The following CALN1 variants were observed in gnomAD, a reference collection of about 807,000 sequenced individuals.
The protein encoded by CALN1 is calcium-binding protein 8.
A neutral mutation model predicts 30.6 loss-of-function variants in CALN1; 17 were observed. The ratio of observed to expected loss-of-function variants is 0.56; its 90% CI spans 0.38 to 0.83. The LOEUF (loss-of-function observed/expected upper bound fraction) is 0.83. CALN1 is among the 40% of genes least tolerant of loss of function. The pLI is 0.00. For synonymous variants in CALN1, 156 were observed against 131.4 expected (o/e 1.19, Z -1.28); for missense variants, 291 against 354.9 (o/e 0.82, Z 1.45).
intron 2 of CALN1, among the ~76,000 whole-genome samples, chr7:72,402,609 G>A (rs1806418159): frequency 6.6e-6 from 1 of 152,190 alleles, no homozygotes; most frequent in South Asian, 2.1e-4. Flanking sequence ...AGTTTGTATA[G>A]CCATGAGGGT....
intron 5 of CALN1, among the ~76,000 whole-genome samples, chr7:71,863,894 T>G (rs969838398): frequency 2.0e-5 from 3 of 152,194 alleles, no homozygotes; most frequent in African/African-American, 7.2e-5. Context: ...CATAGCTAAC[T>G]GTGAATTCTC....
At chr7:71,794,092 T>C (rs537809546) in intron 6 of CALN1, among the ~76,000 whole-genome samples, 45 of 152,072 alleles carry the variant, frequency 3.0e-4, no homozygotes, top group Admixed American at 2.8e-3. Context: ...GCAGATACCA[T>C]GTGTGATGGG....
At chr7:72,416,692 G>C (rs565903638), upstream of CALN1, among the ~76,000 whole-genome samples, 5 of 135,714 alleles carry the variant, frequency 3.7e-5, no homozygotes, top group Admixed American at 4.3e-4. Context: ...CCGAGATCGC[G>C]TCACTGCACT....
chr7:72,175,314 C>T (rs1211331403), intron 3 of CALN1, among the ~76,000 whole-genome samples: 1 of 152,140 alleles, frequency 6.6e-6, no homozygotes, highest in Non-Finnish European at 1.5e-5. Flanking sequence ...ACCTCATGAT[C>T]TGCCCGCCTC....
intron 3 of CALN1, among the ~76,000 whole-genome samples, chr7:72,152,966 G>A (rs987206101): frequency 6.6e-6 from 1 of 152,204 alleles, no homozygotes; most frequent in Admixed American, 6.5e-5. Context: ...TGTTTTGTCA[G>A]TATCTGAGCT....
At chr7:72,386,022 T>C (rs972672380) in intron 2 of CALN1, among the ~76,000 whole-genome samples, 1 of 152,212 alleles carries the variant, frequency 6.6e-6, no homozygotes, top group Non-Finnish European at 1.5e-5. Flanking sequence ...AGAAGCCAGT[T>C]TGAAAAGGCT....
intron 5 of CALN1, among the ~76,000 whole-genome samples, chr7:71,940,402 G>T (rs751176627): frequency 3.3e-5 from 5 of 152,112 alleles, no homozygotes; most frequent in Non-Finnish European, 5.9e-5. Context: ...CAATGCCACT[G>T]CTTTCTCTTC....
At chr7:72,413,374 C>G (rs573012080), upstream of CALN1, among the ~76,000 whole-genome samples, 45 of 152,002 alleles carry the variant, frequency 3.0e-4, 1 homozygote, top group Middle Eastern at 0.014. Flanking sequence ...CACACACACC[C>G]ACGAACATAC....
chr7:71,905,424 A>T (rs1794082438), intron 5 of CALN1, among the ~76,000 whole-genome samples: 1 of 151,444 alleles, frequency 6.6e-6, no homozygotes, highest in African/African-American at 2.4e-5. Context: ...TACCCTCTAA[A>T]GTCTCTAAAG....
intron 5 of CALN1, among the ~76,000 whole-genome samples, chr7:71,982,561 T>C (rs903249993): frequency 2.0e-5 from 3 of 152,082 alleles, no homozygotes; most frequent in African/African-American, 7.2e-5. Flanking sequence ...GCCATTGCAC[T>C]CCAGCCTGGG....
chr7:72,337,984 G>GC (rs1802180089), intron 2 of CALN1, among the ~76,000 whole-genome samples: 1 of 152,186 alleles, frequency 6.6e-6, no homozygotes, highest in Admixed American at 6.5e-5. Flanking sequence ...CAAGGGCAAC[G>GC]CATGTGCTTG....
chr7:72,173,980 T>C (rs1789160035), intron 3 of CALN1, among the ~76,000 whole-genome samples: 1 of 151,892 alleles, frequency 6.6e-6, no homozygotes, highest in African/African-American at 2.4e-5. Context: ...AAGGCCACTG[T>C]TGAGAAAATA....
intron 5 of CALN1, among the ~76,000 whole-genome samples, chr7:71,929,964 A>T (rs1257566161): frequency 6.6e-6 from 1 of 152,220 alleles, no homozygotes; most frequent in East Asian, 1.9e-4. Context: ...CGGCTGCTCA[A>T]GCATCTTATA....
At chr7:72,266,244 A>G (rs551178811) in intron 3 of CALN1, among the ~76,000 whole-genome samples, 5 of 152,330 alleles carry the variant, frequency 3.3e-5, no homozygotes, top group African/African-American at 1.2e-4. Flanking sequence ...ATAGCTTACT[A>G]TTACTAGAAG....
chr7:71,788,875 A>G (rs1031209356), intron 6 of CALN1, among the ~76,000 whole-genome samples: 32 of 152,002 alleles, frequency 2.1e-4, no homozygotes, highest in Non-Finnish European at 3.5e-4. Flanking sequence ...AGCCAGGATG[A>G]TCTCGATCTC....
chr7:72,343,281 G>T (rs2129558881), intron 2 of CALN1, among the ~76,000 whole-genome samples: 1 of 152,268 alleles, frequency 6.6e-6, no homozygotes, highest in South Asian at 2.1e-4. Flanking sequence ...TGGTCAGCTG[G>T]GTGCGGTGGC....
At chr7:72,441,911 GC>G (rs1562970303) in intron 1 of CALN1, among the ~76,000 whole-genome samples, 2 of 151,894 alleles carry the variant, frequency 1.3e-5, no homozygotes, top group Non-Finnish European at 2.9e-5. Flanking sequence ...ACCCAGGACT[GC>G]CCACTCAACA....
intron 3 of CALN1, among the ~76,000 whole-genome samples, chr7:72,221,624 C>T (rs73143219): frequency 0.34 from 52,265 of 152,020 alleles, 10,214 homozygotes; most frequent in Middle Eastern, 0.53. Flanking sequence ...GACGCAGTGG[C>T]TCATGCCTGT....
chr7:72,123,871 A>G (rs530230398), intron 3 of CALN1, among the ~76,000 whole-genome samples: 48 of 152,324 alleles, frequency 3.2e-4, no homozygotes, highest in African/African-American at 1.1e-3. Flanking sequence ...CTCTATCGAA[A>G]TAAGTCTACA....
Sources: allele counts gnomAD v4.1 joint callset (sites outside exome capture counted in the v4.1 genomes callset), GRCh38; gene constraint gnomAD v4.1.1; transcripts MANE v1.5; gene names NCBI Gene and HGNC (gene_info 2026-07-23, HGNC 2026-07-21).